The following SLC35F1 variants were observed in gnomAD, a reference collection of about 807,000 sequenced individuals.
SLC35F1 encodes the protein solute carrier family 35 member F1.
A neutral mutation model predicts 48.7 loss-of-function variants in SLC35F1; 14 were observed. That is an observed-to-expected ratio of 0.29 (90% CI 0.19 to 0.45). The LOEUF is 0.45. Among genes scored for constraint, SLC35F1 ranks in the 20% least tolerant of loss-of-function variants. The probability of loss-of-function intolerance (pLI) is 1.00; values close to 1 mark genes in which losing one functional copy is unlikely to be tolerated. For synonymous variants in SLC35F1, 190 were observed against 202.2 expected, an observed-to-expected ratio of 0.94 and a Z score of 0.51; for missense variants, 404 against 500.0, an observed-to-expected ratio of 0.81 and a Z score of 1.83.
Position 118,166,944 on chromosome 6 carries a change from C to T in SLC35F1, c.349+12324C>T, listed in dbSNP as rs543130681. Among the ~76,000 whole-genome samples, 43 of 152,260 alleles carry T rather than the reference C, an allele frequency of 2.8e-4. No individual in the cohort carries two copies. In the South Asian group the frequency reaches 8.1e-3, roughly 29 times the overall value. On this transcript the variant is annotated intron_variant, in intron 2 of 7. Coordinates refer to ENST00000360388, the MANE Select transcript of SLC35F1 (RefSeq NM_001029858.4). ...TGCCCATGATTACTTTATATAGAAC[C>T]TTCCAGAAGGCTCCAAACTGATTAC...
intron 1 of SLC35F1, among the ~76,000 whole-genome samples, chr6:117,952,276 G>A (rs1776371734): frequency 6.6e-6 from 1 of 152,042 alleles, no homozygotes; most frequent in Non-Finnish European, 1.5e-5. Context: ...GAAGGTTAAT[G>A]TTTTAAGTTT....
intron 1 of SLC35F1, among the ~76,000 whole-genome samples, chr6:117,976,585 T>A (rs1407469796): frequency 6.6e-6 from 1 of 152,176 alleles, no homozygotes; most frequent in Non-Finnish European, 1.5e-5. Context: ...AATGTTTAAA[T>A]AAATACCAAG....
intron 1 of SLC35F1, among the ~76,000 whole-genome samples, chr6:118,150,137 C>T (rs1011561515): frequency 2.0e-5 from 3 of 152,148 alleles, no homozygotes; most frequent in East Asian, 1.9e-4. Context: ...TCTATAAAAT[C>T]GAACAGTAAT....
chr6:118,103,730 G>T (rs1773291494), intron 1 of SLC35F1, among the ~76,000 whole-genome samples: 1 of 152,150 alleles, frequency 6.6e-6, no homozygotes, highest in Non-Finnish European at 1.5e-5. Context: ...CTTTTGAAAG[G>T]GTGGATTATG....
intron 1 of SLC35F1, among the ~76,000 whole-genome samples, chr6:117,917,008 G>T (rs1227270246): frequency 1.3e-5 from 2 of 152,178 alleles, no homozygotes; most frequent in Admixed American, 6.5e-5. Flanking sequence ...CATGAAAAAG[G>T]TATCCAACAG....
chr6:117,911,412 TCCCTCCCTCCCTC>T (rs1775761609), intron 1 of SLC35F1, among the ~76,000 whole-genome samples: 11 of 14,812 alleles, frequency 7.4e-4, no homozygotes, highest in African/African-American at 2.3e-3. Context: ...CCTCCCTCCC[TCCCTCCCTCCCTC>T]CCTTCCTTCC....
At chr6:118,265,073 T>C (rs1775755313) in intron 3 of SLC35F1, among the ~76,000 whole-genome samples, 1 of 152,226 alleles carries the variant, frequency 6.6e-6, no homozygotes, top group Non-Finnish European at 1.5e-5. Context: ...ACCTCAGGGA[T>C]AGCTTACTAT....
At chr6:118,186,864 C>G (rs1334210295) in intron 2 of SLC35F1, among the ~76,000 whole-genome samples, 1 of 152,210 alleles carries the variant, frequency 6.6e-6, no homozygotes, top group African/African-American at 2.4e-5. Flanking sequence ...AGATAAGTTT[C>G]CTAGACAACT....
chr6:118,086,932 T>C (rs1335592199), intron 1 of SLC35F1, among the ~76,000 whole-genome samples: 1 of 152,226 alleles, frequency 6.6e-6, no homozygotes, highest in Non-Finnish European at 1.5e-5. Flanking sequence ...GCCTTTATTC[T>C]GACATCTCTG....
At chr6:118,202,955 T>G (rs1347317031) in intron 2 of SLC35F1, among the ~76,000 whole-genome samples, 3 of 152,198 alleles carry the variant, frequency 2.0e-5, no homozygotes, top group Non-Finnish European at 4.4e-5. Flanking sequence ...CCCTAAGTGT[T>G]TATTCCTTTA....
At position 118,172,253 on chromosome 6, in the gene SLC35F1, G is replaced by T. The variant is rs577316070; in HGVS notation, c.349+17633G>T. Among the ~76,000 whole-genome samples the T allele has an allele frequency of 4.6e-5, 7 of 152,190 alleles. No homozygotes were observed. The South Asian group carries it at 1.2e-3, about 27-fold the overall frequency. Reference sequence around the variant, plus strand: ...CCAACATTTGGATTTTGGGTTCCATGGTAGGTTTACTGGTGTTGAATGGGC... The same window carrying T: ...CCAACATTTGGATTTTGGGTTCCATTGTAGGTTTACTGGTGTTGAATGGGC... On this transcript the variant is annotated intron_variant, in intron 2 of 7. Coordinates refer to ENST00000360388, the MANE Select transcript of SLC35F1 (RefSeq NM_001029858.4).
At chr6:118,090,999 G>A (rs1773065336) in intron 1 of SLC35F1, among the ~76,000 whole-genome samples, 1 of 152,110 alleles carries the variant, frequency 6.6e-6, no homozygotes, top group Non-Finnish European at 1.5e-5. Flanking sequence ...CTTGTCAGTA[G>A]ATTGGATTTT....
chr6:118,261,844 T>G (rs73512525), intron 3 of SLC35F1, among the ~76,000 whole-genome samples: 1 of 152,108 alleles, frequency 6.6e-6, no homozygotes, highest in East Asian at 1.9e-4. Flanking sequence ...CCCACCCCTC[T>G]GGGGCTGGGA....
intron 2 of SLC35F1, among the ~76,000 whole-genome samples, chr6:118,204,099 A>G (rs763868730): frequency 2.6e-5 from 4 of 151,638 alleles, no homozygotes; most frequent in Admixed American, 2.6e-4. Flanking sequence ...TAAGGAAGTG[A>G]CATTTGAGAT....
intron 1 of SLC35F1, among the ~76,000 whole-genome samples, chr6:118,084,069 A>G (rs1317622810): frequency 1.3e-5 from 2 of 152,210 alleles, no homozygotes; most frequent in African/African-American, 4.8e-5. Context: ...CCGATTTTGC[A>G]TAAGAAGAAG....
intron 7 of SLC35F1, among the ~76,000 whole-genome samples, chr6:118,297,939 C>A (rs1177921286): frequency 2.0e-5 from 3 of 151,662 alleles, no homozygotes; most frequent in Non-Finnish European, 4.4e-5. Flanking sequence ...TGGCTTGGTG[C>A]CATCTTCATG....
At chr6:117,966,391 C>G (rs1434910353) in intron 1 of SLC35F1, among the ~76,000 whole-genome samples, 4 of 151,558 alleles carry the variant, frequency 2.6e-5, no homozygotes, top group East Asian at 2.0e-4. Context: ...TAACACTCGC[C>G]GCGAAGATCT....
chr6:118,075,149 G>T (rs1772799186), intron 1 of SLC35F1, among the ~76,000 whole-genome samples: 1 of 152,172 alleles, frequency 6.6e-6, no homozygotes, highest in African/African-American at 2.4e-5. Context: ...GAAGAATTTG[G>T]ATAGTTAATG....
chr6:118,293,171 T>C (rs915846089), intron 7 of SLC35F1, among the ~76,000 whole-genome samples: 7 of 152,158 alleles, frequency 4.6e-5, no homozygotes, highest in African/African-American at 1.7e-4. Context: ...TAGTTTCCTA[T>C]TGCTGCTGTA....
Sources: allele counts gnomAD v4.1 joint callset (sites outside exome capture counted in the v4.1 genomes callset), GRCh38; gene constraint gnomAD v4.1.1; transcripts MANE v1.5; gene names NCBI Gene and HGNC (gene_info 2026-07-23, HGNC 2026-07-21).